LHPP: variants seen among roughly 807,000 people sequenced by gnomAD.
The protein encoded by LHPP is phospholysine phosphohistidine inorganic pyrophosphate phosphatase.
LHPP carries 24 observed loss-of-function variants against 30.3 expected under a neutral mutation model. The ratio of observed to expected loss-of-function variants is 0.79; its 90% CI spans 0.57 to 1.11. The LOEUF (loss-of-function observed/expected upper bound fraction) is 1.11, where lower values mean the gene tolerates loss of function less well. LHPP is among the 50% of genes most tolerant of loss of function. The pLI is 0.00. For missense variants in LHPP, 356 were observed against 367.2 expected (o/e 0.97, Z 0.25); for synonymous variants, 150 against 157.1 (o/e 0.95, Z 0.34).
chr10:124,485,983 C>T (rs563733304), intron 2 of LHPP, among the ~76,000 whole-genome samples: 138 of 152,028 alleles, frequency 9.1e-4, no homozygotes, highest in African/African-American at 3.2e-3. Flanking sequence ...CCATCCATCC[C>T]TCCGTCTGTC....
chr10:124,462,056 A>C (rs1452938186), intron 1 of LHPP, 69 bp downstream of exon 1: 9 of 1,154,304 alleles, frequency 7.8e-6, no homozygotes, highest in Non-Finnish European at 9.6e-6. Flanking sequence ...GGCTGCCGGC[A>C]GGGGGCGGGG....
At chr10:124,529,813 G>GAA (rs1554887651) in intron 6 of LHPP, among the ~76,000 whole-genome samples, 5 of 147,086 alleles carry the variant, frequency 3.4e-5, no homozygotes, top group African/African-American at 1.3e-4. Flanking sequence ...ACACACACAC[G>GAA]CACACACACA....
At chr10:124,471,242 C>T (rs1425767360) in intron 1 of LHPP, among the ~76,000 whole-genome samples, 2 of 151,188 alleles carry the variant, frequency 1.3e-5, no homozygotes, top group African/African-American at 4.9e-5. Flanking sequence ...GCCACCGCCC[C>T]ACCATTGCCC....
chr10:124,497,297 C>CCCATCCTCCCCATCCTCT lies in LHPP; in HGVS notation c.531+273_531+274insCCATCCTCCCCATCCTCT, dbSNP rs1397077282. ...CATCCTCCCCATCCTCCCCATCCTC[C>CCCATCCTCCCCATCCTCT]AGTGGGCGCAGCCCCCCCTGCCCGC... is the stretch of plus-strand genomic sequence containing the variant. On this transcript the variant is annotated intron_variant, in intron 4 of 6. Coordinates refer to ENST00000368842, the MANE Select transcript of LHPP (RefSeq NM_022126.4). 1.8e-4 allele frequency among the ~76,000 whole-genome samples: 4 copies of CCCATCCTCCCCATCCTCT among 22,736 alleles called. 1 individual carries two copies. The highest frequency in any genetic ancestry group is 5.8e-4 in the African/African-American group (4 of 6,952). The allele number at this position is 22,736 out of a possible 152,430, so 14.9% of individuals were successfully genotyped here. A position where few individuals can be genotyped will look rare whatever the true frequency, so the allele number is the denominator to read the frequency against.
intron 3 of LHPP, among the ~76,000 whole-genome samples, chr10:124,493,443 C>T (rs565029222): frequency 1.4e-4 from 22 of 152,294 alleles, no homozygotes; most frequent in Admixed American, 7.9e-4. Flanking sequence ...CGGGTGGAGG[C>T]GCCGGGGCAG....
chr10:124,600,233 C>G (rs927040023), intron 6 of LHPP, among the ~76,000 whole-genome samples: 2 of 152,230 alleles, frequency 1.3e-5, no homozygotes, highest in Non-Finnish European at 2.9e-5. Flanking sequence ...CCTCCAGGAT[C>G]CTGGGTTGCT....
chr10:124,515,550 C>T (rs967148311), intron 5 of LHPP, among the ~76,000 whole-genome samples: 3 of 152,164 alleles, frequency 2.0e-5, no homozygotes, highest in Middle Eastern at 3.2e-3. Flanking sequence ...CAGACGTGAT[C>T]AATTTTACCT....
rs117793733 is a variant in LHPP at position 124,509,625 on chromosome 10, G to A, written c.625-7555G>A. On this transcript the variant is annotated intron_variant, in intron 5 of 6. Coordinates refer to ENST00000368842, the MANE Select transcript of LHPP (RefSeq NM_022126.4). ...AGTCTTGTTCCTTATGAAGGTGTCC[G>A]ACCACAGTGGCAATTACTCAGCATT... Among the ~76,000 whole-genome samples, 78 of 150,778 alleles carry A rather than the reference G, an allele frequency of 5.2e-4. 1 individual carries two copies. The East Asian group carries it at 0.015, about 28-fold the overall frequency.
chr10:124,494,407 T>C (rs1474880010), intron 3 of LHPP, among the ~76,000 whole-genome samples: 1 of 152,226 alleles, frequency 6.6e-6, no homozygotes, highest in Non-Finnish European at 1.5e-5. Flanking sequence ...AGTAGTTTTG[T>C]TGATTTCAGG....
At chr10:124,564,271 G>A (rs772889158) in intron 6 of LHPP, among the ~76,000 whole-genome samples, 5 of 150,484 alleles carry the variant, frequency 3.3e-5, no homozygotes, top group African/African-American at 1.0e-4. Context: ...CTACAGGCAC[G>A]CAGCACCACA....
intron 6 of LHPP, among the ~76,000 whole-genome samples, chr10:124,610,950 A>AGCGGGTGAGGGTGCGGGTGAGGGTGCTGG (rs1949184839): frequency 2.2e-5 from 1 of 45,710 alleles, no homozygotes; most frequent in African/African-American, 9.0e-5. Flanking sequence ...GAGGGTGCTG[A>AGCGGGTGAGGGTGCGGGTGAGGGTGCTGG]TGGAGCGGGT....
chr10:124,587,738 T>TAAAAAAAAAA (rs747954796), intron 6 of LHPP, among the ~76,000 whole-genome samples: 11 of 53,002 alleles, frequency 2.1e-4, no homozygotes, highest in African/African-American at 4.0e-4. Flanking sequence ...AGACTCCATC[T>TAAAAAAAAAA]AAAAAAAAAA....
At chr10:124,586,134 G>C (rs1049187078) in intron 6 of LHPP, among the ~76,000 whole-genome samples, 1 of 152,190 alleles carries the variant, frequency 6.6e-6, no homozygotes, top group Non-Finnish European at 1.5e-5. Flanking sequence ...TCTTAGGCTG[G>C]TTCAAGGCTA....
Position 124,590,142 on chromosome 10 carries a change from C to T in LHPP, c.717-23122C>T, listed in dbSNP as rs1263947236. On this transcript the variant is annotated intron_variant, in intron 6 of 6. Transcript: ENST00000368842. This position sits in a 1 kb window ranked among gnomAD's most constrained non-coding sequence, Gnocchi z 4.3. ...ATTCGATTCGTTCATGTGACGTCCT[C>T]CCTCTCCCAATCCCTGTCTCTCTCT... is the stretch of plus-strand genomic sequence containing the variant. Among the ~76,000 whole-genome samples, 3 of 152,186 alleles carry T rather than the reference C, an allele frequency of 2.0e-5. No individual in the cohort carries two copies. Among genetic ancestry groups the T allele is most frequent in the Non-Finnish European group, 2.9e-5 (2 of 68,034 alleles).
At chr10:124,472,581 C>T (rs1232083617) in intron 1 of LHPP, among the ~76,000 whole-genome samples, 3 of 147,240 alleles carry the variant, frequency 2.0e-5, no homozygotes, top group Non-Finnish European at 3.0e-5. Flanking sequence ...TTTTTTGAGA[C>T]GCAGTCTCGC....
intron 2 of LHPP, among the ~76,000 whole-genome samples, chr10:124,484,591 C>T (rs771298574): frequency 6.6e-6 from 1 of 151,538 alleles, no homozygotes; most frequent in Non-Finnish European, 1.5e-5. Flanking sequence ...ATCCTAGGCT[C>T]TCTTTCCTGA....
At chr10:124,514,176 G>C (rs1954388685) in intron 5 of LHPP, among the ~76,000 whole-genome samples, 1 of 152,228 alleles carries the variant, frequency 6.6e-6, no homozygotes, top group Non-Finnish European at 1.5e-5. Flanking sequence ...ACACAACCCA[G>C]CCTGGGGGCA....
chr10:124,496,689 G>A lies in LHPP; in HGVS notation c.468-272G>A, dbSNP rs1005520252. 1.3e-5 allele frequency among the ~76,000 whole-genome samples: 2 copies of A among 152,174 alleles called. No homozygotes were observed. The highest frequency in any genetic ancestry group is 4.8e-5 in the African/African-American group (2 of 41,438). On this transcript the variant is annotated intron_variant, in intron 3 of 6. Transcript: ENST00000368842. The surrounding 1 kb of genome is among the most constrained non-coding windows in gnomAD (Gnocchi z 4.3). ...TTAATCATTGCAGCAGGGTCCCCAC[G>A]AGTCTGACAGCAGGGTTGCGTTCTG...
chr10:124,495,456 C>G (rs1295444729), intron 3 of LHPP, among the ~76,000 whole-genome samples: 1 of 152,236 alleles, frequency 6.6e-6, no homozygotes, highest in Non-Finnish European at 1.5e-5. Context: ...TAAGTTTAGC[C>G]GGGAAGCATC....
Sources: allele counts gnomAD v4.1 joint callset (sites outside exome capture counted in the v4.1 genomes callset), GRCh38; gene constraint gnomAD v4.1.1; non-coding constraint Gnocchi (gnomAD v3.1); transcripts MANE v1.5; gene names NCBI Gene and HGNC (gene_info 2026-07-23, HGNC 2026-07-21).